The following MMP24 variants were observed in gnomAD, a reference collection of about 807,000 sequenced individuals.
The protein encoded by MMP24 is matrix metalloproteinase-24.
Under a neutral mutation model 62.8 loss-of-function variants are expected in MMP24, and 25 were observed. That is an observed-to-expected ratio of 0.40 (90% confidence interval 0.29 to 0.56). The LOEUF (loss-of-function observed/expected upper bound fraction) is 0.56. Among genes scored for constraint, MMP24 ranks in the 20% least tolerant of loss-of-function variants. The pLI, the probability that MMP24 is intolerant of heterozygous loss-of-function variation, is 0.50. For synonymous variants in MMP24, 319 were observed against 350.5 expected (o/e 0.91, Z 1.00); for missense variants, 634 against 853.6 (o/e 0.74, Z 3.21).
intron 6 of MMP24, 24 bp downstream of exon 6, chr20:35,267,443 C>T (rs1357516522): frequency 6.5e-7 from 1 of 1,541,978 alleles, no homozygotes; most frequent in Non-Finnish European, 8.8e-7. Context: ...ATTGGCACCA[C>T]CCAGCTGGCC....
At chr20:35,261,721 C>A (rs1568618105) in intron 4 of MMP24, among the ~76,000 whole-genome samples, 1 of 151,864 alleles carries the variant, frequency 6.6e-6, no homozygotes, top group Non-Finnish European at 1.5e-5. Flanking sequence ...TGCCCGGGGT[C>A]TCCTGAAGCT....
intron 6 of MMP24, chr20:35,267,848 C>T (rs906364195): frequency 2.5e-5 from 5 of 203,492 alleles, no homozygotes; most frequent in Non-Finnish European, 4.0e-5. Context: ...CCAGACCCTA[C>T]CAAGGCTTGA....
rs2060507313 is a variant in MMP24, at chr20:35,244,985, A to T, written c.247-1855A>T. The stretch of plus-strand genomic sequence containing the variant: ...TTATGACATCATTTCAGACTTTCAG[A>T]AACATTTTCGAGAATAGGACAATTT... On this transcript the variant is annotated intron_variant, in intron 1 of 8. Transcript: ENST00000246186. Among the ~76,000 whole-genome samples, 3 of 152,268 alleles carry T rather than the reference A, an allele frequency of 2.0e-5. No homozygotes were observed. The South Asian group carries it at 6.2e-4, about 32-fold the overall frequency.
At chr20:35,252,160 G>A in intron 3 of MMP24, 139 bp downstream of exon 3, 1 of 682,934 alleles carries the variant, frequency 1.5e-6, no homozygotes, top group Non-Finnish European at 2.6e-6. Context: ...AGGCATGTGG[G>A]CATTGGCACT....
intron 6 of MMP24, among the ~76,000 whole-genome samples, chr20:35,268,761 T>C (rs1241304538): frequency 6.6e-6 from 1 of 152,104 alleles, no homozygotes; most frequent in Non-Finnish European, 1.5e-5. Flanking sequence ...GCGCAGTGGC[T>C]CACGCCTTGC....
intron 1 of MMP24, 111 bp from the exon 2 acceptor site, chr20:35,246,729 T>C (rs1179478620): frequency 1.6e-6 from 2 of 1,278,664 alleles, no homozygotes; most frequent in African/African-American, 1.5e-5. Flanking sequence ...AGAGCATGAG[T>C]CCAGGAGTCA....
At chr20:35,272,157 T>C in intron 8 of MMP24, 1 of 448,942 alleles carries the variant, frequency 2.2e-6, no homozygotes, top group Non-Finnish European at 3.9e-6. Flanking sequence ...TGAAAAGCAA[T>C]GATGGGCATG....
chr20:35,268,642 G>GCTT (rs916475130), intron 6 of MMP24, among the ~76,000 whole-genome samples: 1 of 152,316 alleles, frequency 6.6e-6, no homozygotes, highest in African/African-American at 2.4e-5. Flanking sequence ...TACAAATCAT[G>GCTT]CTTCTTCTTC....
chr20:35,230,434 C>A, intron 1 of MMP24, among the ~76,000 whole-genome samples: 1 of 152,182 alleles, frequency 6.6e-6, no homozygotes, highest in East Asian at 1.9e-4. Context: ...ATTCAATGAG[C>A]AATCAATGAT....
At chr20:35,259,680 G>C (rs1043583612) in intron 4 of MMP24, among the ~76,000 whole-genome samples, 2 of 152,184 alleles carry the variant, frequency 1.3e-5, no homozygotes, top group African/African-American at 4.8e-5. Context: ...GGGAGTTAAT[G>C]AGATGGGAAC....
At chr20:35,246,290 TAAA>T (rs71299212) in intron 1 of MMP24, among the ~76,000 whole-genome samples, 7 of 131,180 alleles carry the variant, frequency 5.3e-5, no homozygotes, top group East Asian at 2.2e-4. Context: ...CTGTCTCTAC[TAAA>T]AAAAAAAAAA....
intron 4 of MMP24, chr20:35,263,027 C>G (rs2060612482): frequency 6.6e-6 from 1 of 152,326 alleles, no homozygotes; most frequent in Non-Finnish European, 1.5e-5. Context: ...AAAATGGAGT[C>G]TCCTATGTCT....
chr20:35,241,334 A>G (rs2060487537), intron 1 of MMP24, among the ~76,000 whole-genome samples: 1 of 152,182 alleles, frequency 6.6e-6, no homozygotes. Context: ...ACACACACAC[A>G]TAATGCTAGT....
chr20:35,238,612 C>T (rs1356144479), intron 1 of MMP24, among the ~76,000 whole-genome samples: 1 of 152,160 alleles, frequency 6.6e-6, no homozygotes, highest in Admixed American at 6.5e-5. Context: ...AGGCTCTTAA[C>T]TGCAGAGATG....
At chr20:35,272,535 G>C (rs908152976) in intron 8 of MMP24, among the ~76,000 whole-genome samples, 1 of 152,210 alleles carries the variant, frequency 6.6e-6, no homozygotes, top group Non-Finnish European at 1.5e-5. Flanking sequence ...ACTGCATCAA[G>C]AGAGAAACTT....
chr20:35,269,811 A>G lies in MMP24; in HGVS notation c.1246A>G (p.Met416Val), dbSNP rs1314687014. Residue 416 changes from methionine (M) to valine (V), a missense_variant, in exon 7 of 9, where the codon ATG becomes GTG. By Grantham distance (21) the Met-to-Val change is conservative. Transcript: ENST00000246186. The surrounding 1 kb of genome is among the most constrained non-coding windows in gnomAD (Gnocchi z 4.6). ...TAACCGAGTGCAGGAGGGCTACCCC[A>G]TGCAGATCGAGCAGTTCTGGAAGGG... ...RNNRVQEGYP[M>V]QIEQFWKGLP... 3.8e-6 allele frequency: 6 copies of G among 1,568,124 alleles called. No individual in the cohort carries two copies. Among genetic ancestry groups the G allele is most frequent in the African/African-American group, 1.4e-5 (1 of 73,646 alleles).
intron 4 of MMP24, 94 bp downstream of exon 4, chr20:35,254,848 A>T: frequency 2.2e-6 from 3 of 1,379,176 alleles, no homozygotes; most frequent in Non-Finnish European, 3.0e-6. Flanking sequence ...TGCTTTCTAG[A>T]GCCTCTTGTC....
At position 35,271,815 on chromosome 20, in the gene MMP24, CCTT is replaced by C; in HGVS notation, c.1582_1584del (p.Phe528del). The C allele has an allele frequency of 6.2e-7, 1 of 1,610,068 alleles. No homozygotes were observed. The highest frequency in any genetic ancestry group is 8.5e-7 in the Non-Finnish European group (1 of 1,178,794). ...GGCATCCCACAGGCTCCCCAAGGAGCCTTCATCAGCAAGGAAGGATGTACGTAA... is the reference window on the plus strand; with the variant it reads ...GGCATCCCACAGGCTCCCCAAGGAGCCATCAGCAAGGAAGGATGTACGTAA... On this transcript the variant is annotated inframe_deletion, in exon 8 of 9. Transcript: ENST00000246186. The surrounding 1 kb of genome is among the most constrained non-coding windows in gnomAD (Gnocchi z 4.0).
At chr20:35,266,437 T>A (rs1441659853) in intron 5 of MMP24, among the ~76,000 whole-genome samples, 9 of 149,736 alleles carry the variant, frequency 6.0e-5, no homozygotes, top group Admixed American at 6.0e-4. Flanking sequence ...AAGGTGATCC[T>A]AATATGCAGC....
Sources: allele counts gnomAD v4.1 joint callset (sites outside exome capture counted in the v4.1 genomes callset), GRCh38; gene constraint gnomAD v4.1.1; non-coding constraint Gnocchi (gnomAD v3.1); transcripts MANE v1.5; gene names NCBI Gene and HGNC (gene_info 2026-07-23, HGNC 2026-07-21).